Variants in ZNF229 observed in about 807,000 individuals in gnomAD.
ZNF229 encodes the protein zinc finger protein 229.
A neutral mutation model predicts 11.8 loss-of-function variants in ZNF229; 10 were observed. The ratio of observed to expected loss-of-function variants is 0.85; its 90% CI spans 0.52 to 1.44. ZNF229 has a LOEUF of 1.44. Ranked by LOEUF, ZNF229 falls within the 40% of genes most tolerant of loss-of-function variation. The pLI is 0.00. For synonymous variants in ZNF229, 368 were observed against 374.8 expected, an observed-to-expected ratio of 0.98 and a Z score of 0.21; for missense variants, 1,045 against 1,015.1, an observed-to-expected ratio of 1.03 and a Z score of -0.40.
At position 44,429,928 on chromosome 19, in the gene ZNF229, T is replaced by C. The variant is rs570648251; in HGVS notation, c.853A>G (p.Arg285Gly). 9.3e-6 allele frequency: 15 copies of C among 1,614,076 alleles called. 1 individual carries two copies. The South Asian group carries it at 9.9e-5, about 11-fold the overall frequency. Residue 285 changes from arginine (R) to glycine (G), a missense_variant, in exon 6 of 6, where the codon AGA becomes GGA. By Grantham distance (125) the Arg-to-Gly change is moderately radical. Coordinates refer to ENST00000614049, the MANE Select transcript of ZNF229 (RefSeq NM_014518.4). ...RDDADLPPHPRVPLKEKLCQY... is the reference protein window; with the variant it reads ...RDDADLPPHPGVPLKEKLCQY... Reference sequence around the variant, plus strand: ...CAGAGTTTCTCTTTCAAAGGTACTCTTGGATGCGGGGGAAGGTCTGCATCG... The same window carrying C: ...CAGAGTTTCTCTTTCAAAGGTACTCCTGGATGCGGGGGAAGGTCTGCATCG...
chr19:44,437,413 C>CGAGATA (rs1971834083), intron 4 of ZNF229, among the ~76,000 whole-genome samples: 2 of 151,980 alleles, frequency 1.3e-5, no homozygotes, highest in Admixed American at 6.6e-5. Context: ...ATCAAAACCA[C>CGAGATA]GAGATACCAC....
intron 4 of ZNF229, among the ~76,000 whole-genome samples, chr19:44,433,497 G>C (rs1432198884): frequency 1.3e-5 from 2 of 152,046 alleles, no homozygotes; most frequent in African/African-American, 4.8e-5. Flanking sequence ...CTATCTTCAT[G>C]ATAGTGAGTT....
chr19:44,435,688 T>C (rs544532261), intron 4 of ZNF229, among the ~76,000 whole-genome samples: 17 of 152,354 alleles, frequency 1.1e-4, no homozygotes, highest in Admixed American at 1.0e-3. Context: ...CTGTATGCCA[T>C]TCTTATCAGA....
At chr19:44,446,647 A>C (rs1395055937) in intron 2 of ZNF229, among the ~76,000 whole-genome samples, 5 of 152,220 alleles carry the variant, frequency 3.3e-5, no homozygotes, top group Non-Finnish European at 7.3e-5. Context: ...GCATTTAGTA[A>C]ATGTACATTC....
chr19:44,429,934 G>T lies in ZNF229; in HGVS notation c.847C>A (p.His283Asn). The T allele has an allele frequency of 6.2e-7, 1 of 1,614,052 alleles. No homozygotes were observed. The highest frequency in any genetic ancestry group is 8.5e-7 in the Non-Finnish European group (1 of 1,179,982). Residue 283 changes from histidine (H) to asparagine (N), a missense_variant, in exon 6 of 6, where the codon CAT becomes AAT. His to Asn is a moderately conservative substitution (Grantham distance 68). Transcript: ENST00000614049. ...TTCTCTTTCAAAGGTACTCTTGGAT[G>T]CGGGGGAAGGTCTGCATCGTCCCTG... is the stretch of plus-strand genomic sequence containing the variant. ...GFRDDADLPP[H>N]PRVPLKEKLC...
intron 5 of ZNF229, among the ~76,000 whole-genome samples, chr19:44,430,804 TAGAG>T (rs1254615469): frequency 6.6e-6 from 1 of 152,200 alleles, no homozygotes; most frequent in Non-Finnish European, 1.5e-5. Context: ...CAGATTTTTA[TAGAG>T]AAAGTTCACT....
chr19:44,428,705 TCCCTTGCCA>T lies in ZNF229; in HGVS notation c.2067_2075del (p.Cys689_Gly692delinsTer). On this transcript the variant is annotated stop_gained and inframe_deletion, in exon 6 of 6. Transcript: ENST00000614049. LOFTEE classifies it low-confidence loss of function (END_TRUNC). ...TGCGAAGATTAGAGCCATAACTGAATCCCTTGCCACACTGATCACACGTATAGGGCTTTT... is the reference window on the plus strand; with the variant it reads ...TGCGAAGATTAGAGCCATAACTGAATCACTGATCACACGTATAGGGCTTTT... The T allele has an allele frequency of 6.2e-7, 1 of 1,612,066 alleles. No homozygotes were observed. Among genetic ancestry groups the T allele is most frequent in the Middle Eastern group, 1.7e-4 (1 of 6,030 alleles).
Position 44,426,382 on chromosome 19 carries a change from C to T in ZNF229, c.*1921G>A, listed in dbSNP as rs1445919477. The T allele has an allele frequency of 2.0e-5, 3 of 152,094 alleles. No individual in the cohort carries two copies. Among genetic ancestry groups the T allele is most frequent in the Non-Finnish European group, 4.4e-5 (3 of 68,024 alleles). 9.4% of individuals were successfully genotyped at this position (152,094 alleles called of 1,614,324 possible). Reference sequence around the variant, plus strand: ...CAAAGTAAAATACATAAAAGTACAACATATGTATTATACATTCAGAATCCC... The same window carrying T: ...CAAAGTAAAATACATAAAAGTACAATATATGTATTATACATTCAGAATCCC... On this transcript the variant is annotated 3_prime_UTR_variant, in exon 6 of 6. Coordinates refer to ENST00000614049, the MANE Select transcript of ZNF229 (RefSeq NM_014518.4).
chr19:44,441,687 T>C (rs1185817422), intron 4 of ZNF229, among the ~76,000 whole-genome samples: 1 of 152,212 alleles, frequency 6.6e-6, no homozygotes, highest in Non-Finnish European at 1.5e-5. Flanking sequence ...TGTATATATA[T>C]TTGTAGATAT....
In ZNF229 at chr19:44,428,771, G is replaced by T. The variant is rs948687759; in HGVS notation, c.2010C>A (p.Ser670Arg). ...ECGKGFRCTS[S>R]LHKHQRVHTG... ...TGTGGACTCGCTGATGTTTGTGAAG[G>T]CTTGATGTGCACCTAAAGCCCTTTC... is the stretch of plus-strand genomic sequence containing the variant. Residue 670 changes from serine (S) to arginine (R), a missense_variant, in exon 6 of 6, where the codon AGC becomes AGA. Physicochemically the swap from Ser to Arg is moderately radical, Grantham distance 110 (BLOSUM62 -1). Transcript: ENST00000614049. The T allele has an allele frequency of 1.9e-6, 3 of 1,613,296 alleles. No homozygotes were observed. In the African/African-American group the frequency reaches 4.0e-5, roughly 22 times the overall value.
chr19:44,428,598 A>C lies in ZNF229; in HGVS notation c.2183T>G (p.Leu728Arg). Residue 728 changes from leucine to arginine, a missense_variant, in exon 6 of 6, where the codon CTT becomes CGT. Leu to Arg is a moderately radical substitution (Grantham distance 102). Transcript: ENST00000614049. Reference protein sequence around the residue: ...GKGFRYGSGLLSHKRVHTGEK... With the variant: ...GKGFRYGSGLRSHKRVHTGEK... ...GCCAGTGTGCACTCTCTTATGACTA[A>C]GGAGACCTGAGCCATATCTGAAACC... 4 of 1,613,550 alleles carry C rather than the reference A, an allele frequency of 2.5e-6. No homozygotes were observed. The highest frequency in any genetic ancestry group is 1.3e-5 in the African/African-American group (1 of 74,754).
In ZNF229 at chr19:44,430,347, C is replaced by A. The variant is rs761096293; in HGVS notation, c.434G>T (p.Gly145Val). Residue 145 changes from glycine (G) to valine (V), a missense_variant, in exon 6 of 6, where the codon GGA becomes GTA. Gly to Val is a moderately radical substitution (Grantham distance 109, BLOSUM62 -3). Transcript: ENST00000614049. ...AATTGGAAAACACGGCGTAGATGCT[C>A]CTTCCCACCCTTGATGGGGAGCAGC... is the stretch of plus-strand genomic sequence containing the variant. Reference protein sequence around the residue: ...EDAAPHQGWEGASTPCFPIEN... With the variant: ...EDAAPHQGWEVASTPCFPIEN... The A allele has an allele frequency of 1.3e-5, 21 of 1,613,998 alleles. No individual in the cohort carries two copies. The South Asian group carries it at 2.2e-4, about 17-fold the overall frequency.
chr19:44,438,557 C>A (rs1439533195), intron 4 of ZNF229, among the ~76,000 whole-genome samples: 2 of 152,166 alleles, frequency 1.3e-5, no homozygotes, highest in Non-Finnish European at 2.9e-5. Flanking sequence ...ACCGTGATGT[C>A]TTTTTCTATG....
chr19:44,442,382 TTC>T (rs1386635784), intron 4 of ZNF229, among the ~76,000 whole-genome samples, 179 bp downstream of exon 4: 1 of 152,176 alleles, frequency 6.6e-6, no homozygotes, highest in Non-Finnish European at 1.5e-5. Context: ...CCCCATTCAT[TTC>T]TTCATCTCTA....
intron 4 of ZNF229, among the ~76,000 whole-genome samples, chr19:44,436,740 G>A (rs1479595728): frequency 6.6e-6 from 1 of 152,148 alleles, no homozygotes; most frequent in Non-Finnish European, 1.5e-5. Context: ...CTGCACTCCA[G>A]CCTGGGTGAC....
At chr19:44,438,399 G>C (rs189653447) in intron 4 of ZNF229, among the ~76,000 whole-genome samples, 64 of 152,308 alleles carry the variant, frequency 4.2e-4, no homozygotes, top group African/African-American at 1.5e-3. Flanking sequence ...TCTTGGGATT[G>C]AATGTGTGCA....
intron 5 of ZNF229, chr19:44,431,757 T>C (rs1971726177): frequency 1.0e-6 from 1 of 987,204 alleles, no homozygotes; most frequent in African/African-American, 1.7e-5. Flanking sequence ...CTAGGCCTCA[T>C]GGTTCTCACC....
intron 4 of ZNF229, among the ~76,000 whole-genome samples, chr19:44,432,926 AGTT>A (rs1971751068): frequency 6.6e-6 from 1 of 152,170 alleles, no homozygotes; most frequent in Non-Finnish European, 1.5e-5. Flanking sequence ...GATAGCAGGA[AGTT>A]GTTCAGCCCG....
chr19:44,442,141 T>C (rs547795162), intron 4 of ZNF229, among the ~76,000 whole-genome samples: 3 of 138,638 alleles, frequency 2.2e-5, no homozygotes, highest in African/African-American at 7.4e-5. Context: ...TTTAACTTTG[T>C]GCATGGTATA....
Sources: allele counts gnomAD v4.1 joint callset (sites outside exome capture counted in the v4.1 genomes callset), GRCh38; gene constraint gnomAD v4.1.1; transcripts MANE v1.5; gene names NCBI Gene and HGNC (gene_info 2026-07-23, HGNC 2026-07-21).